The following RALGAPA2 variants were observed in gnomAD, a reference collection of about 807,000 sequenced individuals.
RALGAPA2 encodes the protein ral GTPase-activating protein subunit alpha-2.
In RALGAPA2, 139 loss-of-function variants were observed where a neutral mutation model predicts 230.4. That is an observed-to-expected ratio of 0.60 (90% CI 0.53 to 0.69). The LOEUF is 0.69. RALGAPA2 is among the 30% of genes least tolerant of loss of function. RALGAPA2 has a pLI of 0.00. For missense variants in RALGAPA2, 2,163 were observed against 2,276.0 expected (o/e 0.95, Z 1.01); for synonymous variants, 847 against 837.8 (o/e 1.01, Z -0.19).
chr20:20,543,744 C>T (rs1029363710), intron 24 of RALGAPA2, among the ~76,000 whole-genome samples: 7 of 151,804 alleles, frequency 4.6e-5, no homozygotes, highest in East Asian at 1.9e-4. Flanking sequence ...GCGGGGGGAG[C>T]GGGGAGGGAT....
intron 9 of RALGAPA2, among the ~76,000 whole-genome samples, chr20:20,633,637 G>A (rs1175957995): frequency 2.6e-5 from 4 of 151,704 alleles, no homozygotes; most frequent in Middle Eastern, 3.4e-3. Flanking sequence ...ACAGGTACCC[G>A]CCACCACGCC....
chr20:20,539,729 T>C (rs532469695), intron 24 of RALGAPA2, among the ~76,000 whole-genome samples: 6 of 152,182 alleles, frequency 3.9e-5, no homozygotes, highest in African/African-American at 1.4e-4. Flanking sequence ...TCGGCATAAC[T>C]GAAACTTTTG....
chr20:20,531,694 G>A lies in RALGAPA2; in HGVS notation c.3575C>T (p.Thr1192Ile), dbSNP rs1170397205. 1.2e-6 allele frequency: 2 copies of A among 1,600,270 alleles called. No individual in the cohort carries two copies. Among genetic ancestry groups the A allele is most frequent in the Admixed American group, 3.4e-5 (2 of 58,682 alleles). The stretch of plus-strand genomic sequence containing the variant: ...ACCACAAACTGGTAATACCTTCAGA[G>A]TTACTCCTATCACATTGATGGCCTC... ...VKEAINVIGV[T>I]LKFPNKIVAQ... The change falls in exon 27 of 40, where the codon ACT (threonine) becomes ATT (isoleucine). Residue 1192 changes from threonine (T) to isoleucine (I), a missense_variant. By Grantham distance (89) the Thr-to-Ile change is moderately conservative. Coordinates refer to ENST00000202677, the MANE Select transcript of RALGAPA2 (RefSeq NM_020343.4).
intron 37 of RALGAPA2, among the ~76,000 whole-genome samples, chr20:20,438,276 TATA>T (rs964993536): frequency 1.3e-5 from 2 of 152,242 alleles, no homozygotes; most frequent in African/African-American, 2.4e-5. Context: ...GCTTCAAAAT[TATA>T]ATGATTATTG....
At chr20:20,664,469 A>G (rs1017636172) in intron 3 of RALGAPA2, among the ~76,000 whole-genome samples, 1 of 152,180 alleles carries the variant, frequency 6.6e-6, no homozygotes. Context: ...AATTCTACCC[A>G]TAATATGTGG....
intron 38 of RALGAPA2, among the ~76,000 whole-genome samples, chr20:20,402,729 C>T (rs2059872160): frequency 6.6e-6 from 1 of 152,218 alleles, no homozygotes; most frequent in Non-Finnish European, 1.5e-5. Context: ...AGTAAACTGT[C>T]ATGGAAGTTG....
At position 20,629,531 on chromosome 20, in the gene RALGAPA2, C is replaced by G. The variant is rs6046970; in HGVS notation, c.1065G>C (p.Thr355=). Residue 355 remains threonine (T), a synonymous_variant, in exon 10 of 40, where the codon ACG becomes ACC. Transcript: ENST00000202677. ...TGTTAGAATGGCTTTTGTCCTGCTC[C>G]GTGGGCCCACCACCATCCAGCTCAG... ...RAPELDGGGP[T]EQDKSHSNSS... 4.3e-6 allele frequency: 7 copies of G among 1,613,882 alleles called. No individual in the cohort carries two copies. The highest frequency in any genetic ancestry group is 5.9e-6 in the Non-Finnish European group (7 of 1,179,874).
chr20:20,653,609 A>G (rs1001773411), intron 3 of RALGAPA2, 22 bp from the exon 4 acceptor site: 1 of 1,329,900 alleles, frequency 7.5e-7, no homozygotes, highest in African/African-American at 1.5e-5. Flanking sequence ...AGATATAAAG[A>G]AAATAAACAA....
chr20:20,710,998 T>A (rs1297335226), intron 1 of RALGAPA2, among the ~76,000 whole-genome samples: 1 of 152,186 alleles, frequency 6.6e-6, no homozygotes, highest in African/African-American at 2.4e-5. Context: ...CTACAGGAAG[T>A]AGAAAATTCA....
intron 37 of RALGAPA2, among the ~76,000 whole-genome samples, chr20:20,464,585 T>C (rs1700179157): frequency 6.6e-6 from 1 of 152,158 alleles, no homozygotes; most frequent in South Asian, 2.1e-4. Flanking sequence ...TTGAATTCAA[T>C]CTCTCTTTCA....
intron 31 of RALGAPA2, among the ~76,000 whole-genome samples, chr20:20,518,881 T>C (rs2062953922): frequency 6.6e-6 from 1 of 152,144 alleles, no homozygotes; most frequent in African/African-American, 2.4e-5. Flanking sequence ...ACATATGAAC[T>C]TACAGTAGGG....
intron 36 of RALGAPA2, among the ~76,000 whole-genome samples, chr20:20,491,900 G>A (rs2062069017): frequency 6.6e-6 from 1 of 151,912 alleles, no homozygotes. Flanking sequence ...ACTCAGATGA[G>A]AGGGTTTTAT....
intron 31 of RALGAPA2, 66 bp downstream of exon 31, chr20:20,520,851 G>T: frequency 1.5e-6 from 2 of 1,301,480 alleles, no homozygotes; most frequent in Non-Finnish European, 1.0e-6. Context: ...AATAGAGCAA[G>T]CATGGCTAAA....
At chr20:20,612,866 A>G (rs2146294741) in intron 13 of RALGAPA2, among the ~76,000 whole-genome samples, 1 of 152,324 alleles carries the variant, frequency 6.6e-6, no homozygotes, top group African/African-American at 2.4e-5. Flanking sequence ...CATTCATGTT[A>G]CATGATGCAT....
At chr20:20,658,767 T>G (rs2067674630) in intron 3 of RALGAPA2, among the ~76,000 whole-genome samples, 1 of 152,250 alleles carries the variant, frequency 6.6e-6, no homozygotes, top group African/African-American at 2.4e-5. Context: ...AGCTGGAGTC[T>G]ACACAAGATG....
At chr20:20,600,047 C>A (rs1239195436) in intron 16 of RALGAPA2, among the ~76,000 whole-genome samples, 2 of 152,054 alleles carry the variant, frequency 1.3e-5, no homozygotes, top group East Asian at 3.9e-4. Flanking sequence ...GTAATCCCAG[C>A]ACTTTGGGAA....
chr20:20,689,218 CTTAT>C (rs922394520), intron 1 of RALGAPA2, among the ~76,000 whole-genome samples: 1 of 152,206 alleles, frequency 6.6e-6, no homozygotes, highest in African/African-American at 2.4e-5. Flanking sequence ...CTTTTAACAA[CTTAT>C]TTTTTACAAA....
chr20:20,625,895 C>T (rs2066476338), intron 10 of RALGAPA2, among the ~76,000 whole-genome samples: 1 of 152,192 alleles, frequency 6.6e-6, no homozygotes, highest in Admixed American at 6.5e-5. Flanking sequence ...CCTTGTCCTA[C>T]TTCAGTTACT....
Position 20,573,019 on chromosome 20 carries a change from G to A in RALGAPA2, c.2757C>T (p.Ser919=), listed in dbSNP as rs2064699232. The change falls in exon 21 of 40, where the codon AGC becomes AGT. Residue 919 remains serine, a synonymous_variant. Transcript: ENST00000202677. ...CAGAGTCTGGGTGCCAACCAGTGAG[G>A]CTCCCCCCGGCGATTATACTACAGT... ...TDDCSIIAGG[S]LTGWHPDSAA... 6.2e-7 allele frequency: 1 copy of A among 1,610,420 alleles called. No individual in the cohort carries two copies. The highest frequency in any genetic ancestry group is 1.7e-5 in the Admixed American group (1 of 59,598).
Sources: gnomAD v4.1 joint callset for allele counts (sites outside exome capture counted in the v4.1 genomes callset) on GRCh38, gnomAD v4.1.1 for gene constraint, MANE v1.5 for transcripts, NCBI Gene and HGNC (gene_info 2026-07-23, HGNC 2026-07-21) for gene names.